Variants in TET2 observed in about 807,000 individuals in gnomAD.
TET2 encodes tet methylcytosine dioxygenase 2, also known as methylcytosine dioxygenase TET2.
A neutral mutation model predicts 142.9 loss-of-function variants in TET2; 299 were observed. The observed-to-expected ratio is 2.09, with a 90% CI of 1.90 to 2.30. The LOEUF is 2.30. Ranked by LOEUF, TET2 falls within the 30% of genes most tolerant of loss-of-function variation. The probability of loss-of-function intolerance (pLI) is 0.00; values close to 1 mark genes in which losing one functional copy is unlikely to be tolerated. For missense variants in TET2, 2,418 were observed against 2,378.0 expected, an observed-to-expected ratio of 1.02 and a Z score of -0.35; for synonymous variants, 819 against 849.0, an observed-to-expected ratio of 0.96 and a Z score of 0.61.
chr4:105,190,275 AAAACCTTTT>A (rs1725709687), intron 1 of TET2, 76 bp from the exon 2 acceptor site: 1 of 519,312 alleles, frequency 1.9e-6, no homozygotes, highest in African/African-American at 1.9e-5. Context: ...ATAGGTATCC[AAAACCTTTT>A]AAACTCTTTA....
intron 2 of TET2, among the ~76,000 whole-genome samples, chr4:105,222,581 ATTTG>A (rs1186175863): frequency 1.3e-5 from 2 of 151,994 alleles, no homozygotes; most frequent in Non-Finnish European, 2.9e-5. Context: ...TTTCTTGTAA[ATTTG>A]TTTGAGTTCT....
Position 105,276,639 on chromosome 4 carries a change from A to G in TET2, c.*120A>G. 1 of 1,178,462 alleles carries G rather than the reference A, an allele frequency of 8.5e-7. No individual in the cohort carries two copies. Among genetic ancestry groups the G allele is most frequent in the South Asian group, 1.7e-5 (1 of 58,892 alleles). 73.0% of individuals were successfully genotyped at this position (1,178,462 alleles called of 1,614,324 possible). A position where few individuals can be genotyped will look rare whatever the true frequency, so the allele number is the denominator to read the frequency against. On this transcript the variant is annotated 3_prime_UTR_variant, in exon 11 of 11. Transcript: ENST00000380013. ...CAGTATTCATGACAAATGTGGTGGG[A>G]AAAACCTCAGCTCACCAGCAACAAA... is the stretch of plus-strand genomic sequence containing the variant.
At chr4:105,244,005 A>G (rs1338318939) in intron 6 of TET2, among the ~76,000 whole-genome samples, 2 of 152,226 alleles carry the variant, frequency 1.3e-5, no homozygotes, top group Non-Finnish European at 2.9e-5. Flanking sequence ...GAGCAGTCAG[A>G]GTGTCTGTAA....
chr4:105,266,197 GAGA>G (rs903319402), intron 8 of TET2, among the ~76,000 whole-genome samples: 69 of 152,276 alleles, frequency 4.5e-4, no homozygotes, highest in African/African-American at 1.6e-3. Flanking sequence ...CAGCCAGACG[GAGA>G]AGACTTCATA....
At chr4:105,159,940 G>C (rs1439481634) in intron 1 of TET2, among the ~76,000 whole-genome samples, 4 of 152,028 alleles carry the variant, frequency 2.6e-5, no homozygotes, top group Non-Finnish European at 5.9e-5. Flanking sequence ...GGAGGCGGAG[G>C]TTGCAGTGAG....
At chr4:105,201,181 A>G (rs1726440253) in intron 2 of TET2, among the ~76,000 whole-genome samples, 1 of 152,218 alleles carries the variant, frequency 6.6e-6, no homozygotes, top group African/African-American at 2.4e-5. Context: ...TTGTAAATCA[A>G]GAGTTCAATT....
intron 2 of TET2, among the ~76,000 whole-genome samples, chr4:105,229,476 A>G (rs1024457514): frequency 6.6e-6 from 1 of 151,746 alleles, no homozygotes; most frequent in Non-Finnish European, 1.5e-5. Context: ...ATGCCCAGCT[A>G]CTTTTTGTAT....
intron 4 of TET2, 48 bp from the exon 5 acceptor site, chr4:105,242,786 A>G (rs1406371633): frequency 2.0e-6 from 3 of 1,531,444 alleles, no homozygotes; most frequent in Non-Finnish European, 2.6e-6. Flanking sequence ...TGCCTCTTGA[A>G]TTCATTTGCT....
Position 105,237,352 on chromosome 4 carries a change from G to GT in TET2, c.3409+2dup, listed in dbSNP as rs1578680714. 4 of 1,614,036 alleles carry GT rather than the reference G, an allele frequency of 2.5e-6. No individual in the cohort carries two copies. The highest frequency in any genetic ancestry group is 2.5e-6 in the Non-Finnish European group (3 of 1,179,948). The stretch of plus-strand genomic sequence containing the variant: ...GATTTCCCATCTTGCAGATGTGTAG[G>GT]TAAGTGCCAGAAATGTACTGAGACA... On this transcript the variant is annotated splice_donor_variant, in intron 3 of 10. Transcript: ENST00000380013. LOFTEE classifies it high-confidence loss of function.
Position 105,245,738 on chromosome 4 carries a change from AC to A in TET2, c.3803+1961del, listed in dbSNP as rs557802334. 4.1e-4 allele frequency among the ~76,000 whole-genome samples: 62 copies of A among 152,352 alleles called. 1 individual carries two copies. In the South Asian group the frequency reaches 0.012, roughly 29 times the overall value. On this transcript the variant is annotated intron_variant, in intron 6 of 10. Coordinates refer to ENST00000380013, the MANE Select transcript of TET2 (RefSeq NM_001127208.3). Reference sequence around the variant, plus strand: ...AGAAAAAAAATTAAAAATTAAGGCAACTTGTGCTCATATTGGTAATAGCATT... The same window carrying A: ...AGAAAAAAAATTAAAAATTAAGGCAATTGTGCTCATATTGGTAATAGCATT...
At chr4:105,213,882 CAG>C (rs1274824744) in intron 2 of TET2, among the ~76,000 whole-genome samples, 8 of 152,098 alleles carry the variant, frequency 5.3e-5, no homozygotes, top group African/African-American at 1.7e-4. Flanking sequence ...TTTTTTAAGG[CAG>C]AGTCTCCCTC....
chr4:105,217,431 C>T (rs1002007963), intron 2 of TET2, among the ~76,000 whole-genome samples: 2 of 151,968 alleles, frequency 1.3e-5, no homozygotes, highest in Non-Finnish European at 2.9e-5. Flanking sequence ...CTCATCAGTG[C>T]CTCAAGATCT....
At position 105,234,587 on chromosome 4, in the gene TET2, C is replaced by G. The variant is rs969761788; in HGVS notation, c.645C>G (p.Ala215=). 2.5e-6 allele frequency: 4 copies of G among 1,613,994 alleles called. No homozygotes were observed. The highest frequency in any genetic ancestry group is 3.4e-6 in the Non-Finnish European group (4 of 1,180,010). Residue 215 remains alanine (A), a synonymous_variant, in exon 3 of 11, where the codon GCC becomes GCG. Coordinates refer to ENST00000380013, the MANE Select transcript of TET2 (RefSeq NM_001127208.3). The stretch of plus-strand genomic sequence containing the variant: ...TGCCTAATGGTGCTACAGTTTCTGC[C>G]TCTTCCGTGGAACACACACATGGTG... ...VLMPNGATVS[A]SSVEHTHGEL...
intron 2 of TET2, among the ~76,000 whole-genome samples, chr4:105,197,207 G>T (rs1384386661): frequency 1.3e-5 from 2 of 152,128 alleles, no homozygotes; most frequent in Non-Finnish European, 1.5e-5. Flanking sequence ...AGACTTTAGG[G>T]ATATGTTTAG....
chr4:105,239,689 T>C (rs1045675279), intron 3 of TET2: 9 of 233,262 alleles, frequency 3.9e-5, no homozygotes, highest in African/African-American at 1.8e-4. Context: ...GCCGTTTTGC[T>C]TTCTTACCTT....
chr4:105,235,495 T>G lies in TET2; in HGVS notation c.1553T>G (p.Ile518Ser), dbSNP rs1217454144. The G allele has an allele frequency of 6.2e-7, 1 of 1,614,094 alleles. No homozygotes were observed. The highest frequency in any genetic ancestry group is 1.1e-5 in the South Asian group (1 of 91,082). The change falls in exon 3 of 11, where the codon ATT becomes AGT. Residue 518 changes from isoleucine (I) to serine (S), a missense_variant. Transcript: ENST00000380013. ...MSEHLKHNPPIFGSSGELQDN... is the reference protein window; with the variant it reads ...MSEHLKHNPPSFGSSGELQDN... ...GAACACCTCAAGCATAACCCACCAA[T>G]TTTTGGTAGCAGTGGAGAGCTACAG...
intron 6 of TET2, among the ~76,000 whole-genome samples, chr4:105,249,096 C>T (rs1262318082): frequency 6.6e-6 from 1 of 150,496 alleles, no homozygotes; most frequent in African/African-American, 2.4e-5. Context: ...GGTGCAACCT[C>T]AGCTCACTGC....
chr4:105,187,613 T>G (rs1225002743), intron 1 of TET2, among the ~76,000 whole-genome samples: 1 of 152,256 alleles, frequency 6.6e-6, no homozygotes, highest in African/African-American at 2.4e-5. Flanking sequence ...GCTTTATCAC[T>G]ATAATTGAAT....
At chr4:105,251,654 T>G (rs1324946061) in intron 6 of TET2, among the ~76,000 whole-genome samples, 1 of 152,196 alleles carries the variant, frequency 6.6e-6, no homozygotes, top group Non-Finnish European at 1.5e-5. Context: ...TTGAGGACTT[T>G]CGCATCTCTG....
Sources: allele counts gnomAD v4.1 joint callset (sites outside exome capture counted in the v4.1 genomes callset), GRCh38; gene constraint gnomAD v4.1.1; transcripts MANE v1.5; gene names NCBI Gene and HGNC (gene_info 2026-07-23, HGNC 2026-07-21).